Variants in MRPS31 observed in about 807,000 individuals in gnomAD.
MRPS31 encodes the protein mitochondrial ribosomal protein S31.
MRPS31 carries 32 observed loss-of-function variants against 43.1 expected under a neutral mutation model. The ratio of observed to expected loss-of-function variants is 0.74; its 90% CI spans 0.56 to 1.00. The LOEUF (loss-of-function observed/expected upper bound fraction) is 1.00, where lower values mean the gene tolerates loss of function less well. Among genes scored for constraint, MRPS31 ranks in the 50% least tolerant of loss-of-function variants. The pLI, the probability that MRPS31 is intolerant of heterozygous loss-of-function variation, is 0.00. For synonymous variants in MRPS31, 165 were observed against 161.6 expected (o/e 1.02, Z -0.16); for missense variants, 437 against 466.7 (o/e 0.94, Z 0.59).
intron 6 of MRPS31, among the ~76,000 whole-genome samples, chr13:40,734,974 C>G (rs533124705): frequency 1.2e-3 from 186 of 152,304 alleles, no homozygotes; most frequent in African/African-American, 2.1e-3. Context: ...AGCTCCCAGC[C>G]TGAGCGACGC....
intron 6 of MRPS31, among the ~76,000 whole-genome samples, chr13:40,735,815 A>G (rs1456008995): frequency 1.3e-5 from 2 of 150,550 alleles, no homozygotes; most frequent in Non-Finnish European, 3.0e-5. Context: ...AGGAGATAAA[A>G]CCACAAAGAT....
At chr13:40,761,659 C>T (rs1209531971) in intron 2 of MRPS31, among the ~76,000 whole-genome samples, 3 of 152,092 alleles carry the variant, frequency 2.0e-5, no homozygotes, top group Non-Finnish European at 4.4e-5. Flanking sequence ...CTATTCTATC[C>T]TGTAATTAAA....
At position 40,749,222 on chromosome 13, in the gene MRPS31, G is replaced by C. The variant is rs1880321642; in HGVS notation, c.874C>G (p.Gln292Glu). The change falls in exon 6 of 7, where the codon CAA becomes GAA. Residue 292 changes from glutamine to glutamate, a missense_variant. Transcript: ENST00000323563. ...TCTTCAAATCCATTCTGAAGGGGTT[G>C]TTCATTTACTGTGGCTAACTGCTTA... ...FAKQLATVNE[Q>E]PLQNGFEELI... 1 of 1,600,586 alleles carries C rather than the reference G, an allele frequency of 6.2e-7. No individual in the cohort carries two copies. Among genetic ancestry groups the C allele is most frequent in the Non-Finnish European group, 8.5e-7 (1 of 1,176,870 alleles).
chr13:40,768,399 AC>A (rs1880909103), intron 1 of MRPS31, among the ~76,000 whole-genome samples: 1 of 138,544 alleles, frequency 7.2e-6, no homozygotes, highest in Non-Finnish European at 1.5e-5. Flanking sequence ...AACAGGCATC[AC>A]CCCGCTAAAT....
chr13:40,763,732 T>C (rs961137696), intron 2 of MRPS31, among the ~76,000 whole-genome samples: 5 of 152,148 alleles, frequency 3.3e-5, no homozygotes. Context: ...AGGGGAAACT[T>C]TGTGACTGCC....
At chr13:40,753,439 C>A (rs1880445810) in intron 5 of MRPS31, among the ~76,000 whole-genome samples, 1 of 152,182 alleles carries the variant, frequency 6.6e-6, no homozygotes, top group Non-Finnish European at 1.5e-5. Context: ...TAGTACTTAC[C>A]TCCCGCTGTC....
At chr13:40,739,266 C>T (rs1365425885) in intron 6 of MRPS31, among the ~76,000 whole-genome samples, 3 of 152,240 alleles carry the variant, frequency 2.0e-5, no homozygotes, top group African/African-American at 7.2e-5. Flanking sequence ...GAACTACAAA[C>T]CACTGCTCAA....
intron 2 of MRPS31, among the ~76,000 whole-genome samples, chr13:40,760,946 T>C (rs1400562268): frequency 1.3e-5 from 2 of 152,066 alleles, no homozygotes; most frequent in Non-Finnish European, 2.9e-5. Flanking sequence ...TTATGAAAGA[T>C]CTAAAATCTG....
Position 40,766,994 on chromosome 13 carries a change from A to T in MRPS31, c.192T>A (p.Ser64Arg), listed in dbSNP as rs1321438581. 1 of 1,611,694 alleles carries T rather than the reference A, an allele frequency of 6.2e-7. No homozygotes were observed. Among genetic ancestry groups the T allele is most frequent in the East Asian group, 2.2e-5 (1 of 44,846 alleles). Residue 64 changes from serine to arginine, a missense_variant, in exon 2 of 7, where the codon AGT becomes AGA. Transcript: ENST00000323563. ...GCTTATCTTTCTTGCTACAGATCACACTGTTAGTGCCAAAATATCTTTGGA... is the reference window on the plus strand; with the variant it reads ...GCTTATCTTTCTTGCTACAGATCACTCTGTTAGTGCCAAAATATCTTTGGA... ...NNIQRYFGTN[S>R]VICSKKDKQS...
intron 6 of MRPS31, among the ~76,000 whole-genome samples, chr13:40,745,395 G>C (rs1276327648): frequency 1.3e-5 from 2 of 152,082 alleles, no homozygotes; most frequent in Non-Finnish European, 2.9e-5. Context: ...TGGGATTACA[G>C]GCATGTGCCA....
chr13:40,754,858 G>T (rs763365313), intron 4 of MRPS31, among the ~76,000 whole-genome samples: 1 of 152,092 alleles, frequency 6.6e-6, no homozygotes. Context: ...GTGAAACCCC[G>T]TCTCTACTAA....
At chr13:40,753,202 C>T (rs146343663) in intron 5 of MRPS31, among the ~76,000 whole-genome samples, 3 of 152,308 alleles carry the variant, frequency 2.0e-5, no homozygotes, top group East Asian at 1.9e-4. Flanking sequence ...GAAAACACTA[C>T]AAGTCTGTTA....
chr13:40,746,511 TC>T (rs1215016788), intron 6 of MRPS31, among the ~76,000 whole-genome samples: 1 of 152,154 alleles, frequency 6.6e-6, no homozygotes, highest in Non-Finnish European at 1.5e-5. Context: ...CACATTTATC[TC>T]CCCAACCTGA....
At chr13:40,766,004 A>C (rs765030131) in intron 2 of MRPS31, among the ~76,000 whole-genome samples, 1 of 152,250 alleles carries the variant, frequency 6.6e-6, no homozygotes, top group South Asian at 2.1e-4. Flanking sequence ...ATATAAAGCA[A>C]TTGTAATCAA....
At chr13:40,735,880 TC>T (rs1879887262) in intron 6 of MRPS31, among the ~76,000 whole-genome samples, 2 of 150,882 alleles carry the variant, frequency 1.3e-5, no homozygotes, top group African/African-American at 4.9e-5. Flanking sequence ...GCGCCTCTCC[TC>T]CTCCAAAGGA....
chr13:40,752,744 T>C (rs1880426243), intron 5 of MRPS31, among the ~76,000 whole-genome samples: 1 of 152,116 alleles, frequency 6.6e-6, no homozygotes, highest in Non-Finnish European at 1.5e-5. Context: ...ACATTCTTTT[T>C]TTTTTTCCCC....
intron 6 of MRPS31, among the ~76,000 whole-genome samples, chr13:40,746,704 A>G (rs1433220770): frequency 4.6e-5 from 7 of 152,226 alleles, no homozygotes; most frequent in Non-Finnish European, 8.8e-5. Context: ...TGGTTCCCAG[A>G]TAATACATAC....
chr13:40,732,214 C>T (rs1454669846), intron 6 of MRPS31, among the ~76,000 whole-genome samples: 2 of 152,206 alleles, frequency 1.3e-5, no homozygotes, highest in Non-Finnish European at 2.9e-5. Context: ...TAAATGAAGA[C>T]GTTCCTTCCC....
At position 40,771,074 on chromosome 13, in the gene MRPS31, A is replaced by C; in HGVS notation, c.63T>G (p.Ser21=). The change falls in exon 1 of 7, where the codon TCT becomes TCG. Residue 21 remains serine, a synonymous_variant. Coordinates refer to ENST00000323563, the MANE Select transcript of MRPS31 (RefSeq NM_005830.4). ...CAGCCGCTGATGTCTCCGGGCTTCC[A>C]GAGGACAAAGGGTGGCGGGAAAGGG... ...LRPLSRHPLS[S]GSPETSAAAI... The C allele has an allele frequency of 6.2e-7, 1 of 1,614,140 alleles. No individual in the cohort carries two copies.
Sources: gnomAD v4.1 joint callset for allele counts (sites outside exome capture counted in the v4.1 genomes callset) on GRCh38, gnomAD v4.1.1 for gene constraint, MANE v1.5 for transcripts, NCBI Gene and HGNC (gene_info 2026-07-23, HGNC 2026-07-21) for gene names.